Variants in HS3ST5 observed in about 807,000 individuals in gnomAD.
HS3ST5 encodes heparan sulfate-glucosamine 3-sulfotransferase 5.
Under a neutral mutation model 25.4 loss-of-function variants are expected in HS3ST5, and 10 were observed. The observed-to-expected ratio is 0.39, with a 90% CI of 0.24 to 0.67. The LOEUF (loss-of-function observed/expected upper bound fraction) is 0.67, where lower values mean the gene tolerates loss of function less well. Ranked by LOEUF, HS3ST5 falls within the 30% of genes least tolerant of loss-of-function variation. The pLI is 0.44. For synonymous variants in HS3ST5, 170 were observed against 162.4 expected, an observed-to-expected ratio of 1.05 and a Z score of -0.36; for missense variants, 324 against 420.7, an observed-to-expected ratio of 0.77 and a Z score of 2.01.
At chr6:114,088,500 A>C (rs908315792) in intron 3 of HS3ST5, among the ~76,000 whole-genome samples, 2 of 151,936 alleles carry the variant, frequency 1.3e-5, no homozygotes, top group African/African-American at 4.8e-5. Flanking sequence ...ACTAATGGAA[A>C]GGGATTTCTT....
At chr6:114,085,510 T>C (rs1172911620) in intron 3 of HS3ST5, among the ~76,000 whole-genome samples, 1 of 152,216 alleles carries the variant, frequency 6.6e-6, no homozygotes, top group Non-Finnish European at 1.5e-5. Flanking sequence ...CATTCTTACA[T>C]TGGCAGTATA....
At chr6:114,077,090 C>G (rs893725517) in intron 3 of HS3ST5, among the ~76,000 whole-genome samples, 3 of 152,100 alleles carry the variant, frequency 2.0e-5, no homozygotes, top group Admixed American at 6.5e-5. Context: ...CATTTCTGTC[C>G]TCCATTCAGC....
intron 1 of HS3ST5, among the ~76,000 whole-genome samples, chr6:114,236,536 T>C (rs1228662010): frequency 6.6e-6 from 1 of 152,202 alleles, no homozygotes; most frequent in Non-Finnish European, 1.5e-5. Flanking sequence ...TGTGCTGTTT[T>C]TGGTGGGGAG....
At chr6:114,290,223 G>A (rs1290646754) in intron 1 of HS3ST5, among the ~76,000 whole-genome samples, 3 of 152,006 alleles carry the variant, frequency 2.0e-5, no homozygotes, top group Admixed American at 6.6e-5. Context: ...TGGTCTTTTC[G>A]AAGACACACT....
intron 3 of HS3ST5, among the ~76,000 whole-genome samples, chr6:114,138,842 G>T (rs1463848702): frequency 6.6e-6 from 1 of 152,142 alleles, no homozygotes; most frequent in South Asian, 2.1e-4. Context: ...TAGTTTTGGA[G>T]GCTTGGTAGA....
At position 114,222,491 on chromosome 6, in the gene HS3ST5, C is replaced by T. The variant is rs757993901; in HGVS notation, c.-145+6094G>A. On this transcript the variant is annotated intron_variant, in intron 2 of 4. Coordinates refer to ENST00000312719, the MANE Select transcript of HS3ST5 (RefSeq NM_153612.4). The stretch of plus-strand genomic sequence containing the variant: ...GCTGAAATCACTGTACAATGCACAA[C>T]TCTCCTGCATCAGAACACTCACATC... Among the ~76,000 whole-genome samples, 25 of 151,876 alleles carry T rather than the reference C, an allele frequency of 1.6e-4. 1 individual carries two copies. The highest frequency in any genetic ancestry group is 2.7e-4 in the Non-Finnish European group (18 of 67,800).
chr6:114,220,353 T>C (rs536769879), intron 2 of HS3ST5, among the ~76,000 whole-genome samples: 2 of 152,190 alleles, frequency 1.3e-5, no homozygotes, highest in Non-Finnish European at 2.9e-5. Context: ...CAGTCTTTTA[T>C]ACTTTTCTTT....
chr6:114,310,132 T>G (rs894478095), intron 1 of HS3ST5, among the ~76,000 whole-genome samples: 2 of 152,142 alleles, frequency 1.3e-5, no homozygotes, highest in Admixed American at 6.5e-5. Flanking sequence ...AAACTCATAG[T>G]CCTCACAGAA....
intron 3 of HS3ST5, among the ~76,000 whole-genome samples, chr6:114,114,023 CCTAA>C (rs1776398797): frequency 1.3e-5 from 2 of 152,146 alleles, no homozygotes; most frequent in South Asian, 2.1e-4. Flanking sequence ...ATAGTTTATA[CCTAA>C]CTGAGAGTGC....
At chr6:114,117,475 AC>A (rs1305430705) in intron 3 of HS3ST5, among the ~76,000 whole-genome samples, 1 of 152,160 alleles carries the variant, frequency 6.6e-6, no homozygotes, top group African/African-American at 2.4e-5. Flanking sequence ...TTAGGGTAAT[AC>A]CCAGCTTACA....
chr6:114,131,364 A>G (rs1301883371), intron 3 of HS3ST5: 1 of 152,246 alleles, frequency 6.6e-6, no homozygotes, highest in Non-Finnish European at 1.5e-5. Flanking sequence ...AAAATGTTAT[A>G]AAAGTAAACT....
At chr6:114,279,920 A>G (rs756701626) in intron 1 of HS3ST5, among the ~76,000 whole-genome samples, 24 of 151,950 alleles carry the variant, frequency 1.6e-4, no homozygotes, top group Non-Finnish European at 3.1e-4. Context: ...CTCCAATATT[A>G]TGGAGTAGCT....
intron 1 of HS3ST5, among the ~76,000 whole-genome samples, chr6:114,277,246 T>C (rs960707288): frequency 6.6e-6 from 1 of 151,714 alleles, no homozygotes; most frequent in Non-Finnish European, 1.5e-5. Flanking sequence ...TTAATTCTTG[T>C]TTAAATTCTG....
intron 1 of HS3ST5, among the ~76,000 whole-genome samples, chr6:114,237,908 T>G (rs571077513): frequency 6.6e-6 from 1 of 152,338 alleles, no homozygotes; most frequent in African/African-American, 2.4e-5. Flanking sequence ...ATATAAGCAC[T>G]GTCAGAATAT....
chr6:114,319,570 C>T (rs1775880991), intron 1 of HS3ST5, among the ~76,000 whole-genome samples: 1 of 152,096 alleles, frequency 6.6e-6, no homozygotes, highest in Non-Finnish European at 1.5e-5. Flanking sequence ...TCATAAGTAG[C>T]ACAGGTGAGC....
intron 2 of HS3ST5, among the ~76,000 whole-genome samples, chr6:114,169,036 G>C (rs186542496): frequency 6.6e-6 from 1 of 151,808 alleles, no homozygotes; most frequent in African/African-American, 2.4e-5. Flanking sequence ...TTGTATTAGT[G>C]GGATGAAAAA....
chr6:114,057,214 T>G lies in HS3ST5; in HGVS notation c.*43A>C. On this transcript the variant is annotated 3_prime_UTR_variant, in exon 5 of 5. Coordinates refer to ENST00000312719, the MANE Select transcript of HS3ST5 (RefSeq NM_153612.4). ...ATATTTTAATCTACAGGAGACATTGTGTGTCTCCAGGCACAACACATAGTG... is the reference window on the plus strand; with the variant it reads ...ATATTTTAATCTACAGGAGACATTGGGTGTCTCCAGGCACAACACATAGTG... 7.5e-7 allele frequency: 1 copy of G among 1,327,552 alleles called. No homozygotes were observed. Among genetic ancestry groups the G allele is most frequent in the Non-Finnish European group, 1.1e-6 (1 of 940,764 alleles). 82.2% of individuals were successfully genotyped at this position (1,327,552 alleles called of 1,614,324 possible).
chr6:114,334,282 A>G (rs1055607863), intron 1 of HS3ST5, among the ~76,000 whole-genome samples: 3 of 152,100 alleles, frequency 2.0e-5, no homozygotes, highest in Non-Finnish European at 4.4e-5. Context: ...AGCTTTTCCA[A>G]TTCTCCATGC....
rs564311576 is a variant in HS3ST5 at position 114,134,721 on chromosome 6, ATCTAGC to A, written c.-33+33624_-33+33629del. On this transcript the variant is annotated intron_variant, in intron 3 of 4. Transcript: ENST00000312719. ...AGGGCTGCTGGAAAGCATCATTCCT[ATCTAGC>A]TCCTTCTATGCTGGGACTGCCAGGG... Among the ~76,000 whole-genome samples, 49 of 152,240 alleles carry A rather than the reference ATCTAGC, an allele frequency of 3.2e-4. No homozygotes were observed. In the East Asian group the frequency reaches 9.5e-3, roughly 29 times the overall value.
Sources: allele counts gnomAD v4.1 joint callset (sites outside exome capture counted in the v4.1 genomes callset), GRCh38; gene constraint gnomAD v4.1.1; transcripts MANE v1.5; gene names NCBI Gene and HGNC (gene_info 2026-07-23, HGNC 2026-07-21).